The following TCF20 variants were observed in gnomAD, a reference collection of about 807,000 sequenced individuals.
The protein encoded by TCF20 is SPRE-binding protein.
Under a neutral mutation model 148.6 loss-of-function variants are expected in TCF20, and 3 were observed. That is an observed-to-expected ratio of 0.02 (90% CI 0.01 to 0.05). The LOEUF is 0.05. TCF20 is among the 10% of genes least tolerant of loss of function. TCF20 has a pLI of 1.00. For missense variants in TCF20, 2,350 were observed against 2,429.3 expected, an observed-to-expected ratio of 0.97 and a Z score of 0.69; for synonymous variants, 1,049 against 909.5, an observed-to-expected ratio of 1.15 and a Z score of -2.76.
intron 1 of TCF20, among the ~76,000 whole-genome samples, chr22:42,339,192 C>A (rs1928121381): frequency 6.6e-6 from 1 of 152,222 alleles, no homozygotes; most frequent in Non-Finnish European, 1.5e-5. Flanking sequence ...TAGCGCTCGT[C>A]CTCACACAAG....
chr22:42,247,070 A>C (rs943374197), intron 1 of TCF20, among the ~76,000 whole-genome samples: 4 of 152,018 alleles, frequency 2.6e-5, no homozygotes, highest in South Asian at 2.1e-4. Context: ...TGAAGGAAAC[A>C]TCCAGTTAAG....
chr22:42,230,760 G>A (rs1923327146), intron 1 of TCF20, among the ~76,000 whole-genome samples: 1 of 152,214 alleles, frequency 6.6e-6, no homozygotes, highest in Non-Finnish European at 1.5e-5. Context: ...CTGGAAGACA[G>A]TGATATTGAT....
intron 2 of TCF20, among the ~76,000 whole-genome samples, chr22:42,184,289 G>A (rs1337795891): frequency 6.6e-6 from 1 of 152,068 alleles, no homozygotes; most frequent in East Asian, 1.9e-4. Flanking sequence ...TTTTTCTTCT[G>A]AACCCCAAGT....
intron 1 of TCF20, among the ~76,000 whole-genome samples, chr22:42,318,762 TACTTCCAG>T (rs1233134347): frequency 1.3e-5 from 2 of 152,196 alleles, no homozygotes; most frequent in Non-Finnish European, 2.9e-5. Flanking sequence ...ACTGCTCTGG[TACTTCCAG>T]ACACAGGGAT....
intron 3 of TCF20, among the ~76,000 whole-genome samples, chr22:42,176,545 G>A (rs1427336468): frequency 6.6e-6 from 1 of 152,154 alleles, no homozygotes; most frequent in Non-Finnish European, 1.5e-5. Flanking sequence ...CTGCCTCCGT[G>A]GACAGCCCTG....
chr22:42,284,754 AC>A (rs1676457903), upstream of TCF20, among the ~76,000 whole-genome samples: 1 of 152,218 alleles, frequency 6.6e-6, no homozygotes, highest in Non-Finnish European at 1.5e-5. Flanking sequence ...TTCTCTGTGT[AC>A]AACAGCAGCG....
At chr22:42,309,128 C>A (rs1927486923) in intron 1 of TCF20, among the ~76,000 whole-genome samples, 1 of 152,048 alleles carries the variant, frequency 6.6e-6, no homozygotes, top group Admixed American at 6.6e-5. Flanking sequence ...AGGCGGTGGA[C>A]CATGCCCACT....
intron 1 of TCF20, among the ~76,000 whole-genome samples, chr22:42,263,061 T>C (rs746966862): frequency 3.9e-5 from 6 of 152,158 alleles, no homozygotes; most frequent in Non-Finnish European, 7.4e-5. Flanking sequence ...ACTTTTCCTA[T>C]TTTAGTGCCT....
At chr22:42,201,496 G>A (rs1318766174) in intron 2 of TCF20, among the ~76,000 whole-genome samples, 2 of 152,152 alleles carry the variant, frequency 1.3e-5, no homozygotes, top group South Asian at 4.1e-4. Context: ...GACCAGGCGC[G>A]GTGGCTCATG....
At chr22:42,230,642 C>CAA (rs71184875) in intron 1 of TCF20, among the ~76,000 whole-genome samples, 169 of 146,954 alleles carry the variant, frequency 1.2e-3, no homozygotes, top group South Asian at 4.3e-3. Context: ...GAGACTGTCT[C>CAA]AAAAAAAAAA....
upstream of TCF20, among the ~76,000 whole-genome samples, chr22:42,272,357 G>C (rs1926654128): frequency 6.6e-6 from 1 of 152,230 alleles, no homozygotes; most frequent in Non-Finnish European, 1.5e-5. Context: ...GCCTCCTGAA[G>C]ACTGGTGTTG....
Position 42,179,599 on chromosome 22 carries a change from C to T in TCF20, c.5749+10G>A, listed in dbSNP as rs1936671053. On this transcript the variant is annotated intron_variant, in intron 3 of 5. Coordinates refer to ENST00000677622, the MANE Select transcript of TCF20 (RefSeq NM_001378418.1). ...GATGCTCTGGACAAGGGTCTGTGGTCTCCTCTTACCTGCATCAATGGCACA... is the reference window on the plus strand; with the variant it reads ...GATGCTCTGGACAAGGGTCTGTGGTTTCCTCTTACCTGCATCAATGGCACA... 1 of 1,606,994 alleles carries T rather than the reference C, an allele frequency of 6.2e-7. No individual in the cohort carries two copies. The highest frequency in any genetic ancestry group is 1.3e-5 in the African/African-American group (1 of 74,792).
chr22:42,338,151 G>A lies in TCF20; in HGVS notation c.-37+5328C>T, dbSNP rs977725095. On this transcript the variant is annotated intron_variant, in intron 1 of 1. Coordinates refer to the TCF20 transcript ENST00000515426. The surrounding 1 kb of genome is among the most constrained non-coding windows in gnomAD (Gnocchi z 4.0). ...ACAACTCCCGCCTCGGTCTCCACGC[G>A]TCCCCTGAGATCCCCCACCGCCCTG... Among the ~76,000 whole-genome samples, 13 of 152,126 alleles carry A rather than the reference G, an allele frequency of 8.5e-5. No homozygotes were observed. Among genetic ancestry groups the A allele is most frequent in the Admixed American group, 2.0e-4 (3 of 15,278 alleles).
chr22:42,240,364 A>T (rs1357617379), intron 1 of TCF20, among the ~76,000 whole-genome samples: 1 of 152,352 alleles, frequency 6.6e-6, no homozygotes, highest in East Asian at 1.9e-4. Context: ...ACAGAGACAT[A>T]AACAATAATA....
At chr22:42,289,952 C>A (rs752263193) in intron 1 of TCF20, among the ~76,000 whole-genome samples, 1 of 152,216 alleles carries the variant, frequency 6.6e-6, no homozygotes, top group Non-Finnish European at 1.5e-5. Flanking sequence ...CCAGATATTG[C>A]GTGCAGGCCG....
In TCF20 at chr22:42,215,157, C is replaced by T; in HGVS notation, c.149G>A (p.Ser50Asn). 1.2e-6 allele frequency: 2 copies of T among 1,613,900 alleles called. No individual in the cohort carries two copies. The highest frequency in any genetic ancestry group is 1.7e-6 in the Non-Finnish European group (2 of 1,179,836). Residue 50 changes from serine (S) to asparagine (N), a missense_variant, in exon 2 of 6, where the codon AGC becomes AAC. This residue lies in a region of TCF20 where 1,641 missense variants were observed against 1,662.6 expected (regional missense o/e 0.99). Transcript: ENST00000677622. Reference sequence around the variant, plus strand: ...TCCACCACCACTGCCACTGCCACTGCTGCCACTACTGCCACCTGTACCTCC... The same window carrying T: ...TCCACCACCACTGCCACTGCCACTGTTGCCACTACTGCCACCTGTACCTCC... ...NFGGTGGSSG[S>N]SGSGSGGGRR...
intron 1 of TCF20, among the ~76,000 whole-genome samples, chr22:42,315,463 A>G (rs1167973701): frequency 6.6e-6 from 1 of 152,220 alleles, no homozygotes; most frequent in Non-Finnish European, 1.5e-5. Context: ...CAGCCCAGGC[A>G]GGTGGAATGG....
chr22:42,311,108 CAG>C (rs1569206717), intron 1 of TCF20, among the ~76,000 whole-genome samples: 1 of 152,110 alleles, frequency 6.6e-6, no homozygotes, highest in Non-Finnish European at 1.5e-5. Flanking sequence ...AATCGGGGGA[CAG>C]GGGGGTGGCC....
At chr22:42,270,700 C>CGGCGCGCGGGCGGGCGGGAG (rs1409189442), upstream of TCF20, among the ~76,000 whole-genome samples, 150 of 114,828 alleles carry the variant, frequency 1.3e-3, no homozygotes, top group African/African-American at 4.3e-3. Context: ...CTCCGGGCCG[C>CGGCGCGCGGGCGGGCGGGAG]GGCGCGCGGG....
Sources: allele counts gnomAD v4.1 joint callset (sites outside exome capture counted in the v4.1 genomes callset), GRCh38; gene constraint gnomAD v4.1.1; regional missense constraint gnomAD v4.1.1; non-coding constraint Gnocchi (gnomAD v3.1); transcripts MANE v1.5; gene names NCBI Gene and HGNC (gene_info 2026-07-23, HGNC 2026-07-21).